Variants in ARMH4 observed in about 807,000 individuals in gnomAD.
ARMH4 encodes the protein armadillo-like helical domain-containing protein 4.
A neutral mutation model predicts 61.9 loss-of-function variants in ARMH4; 49 were observed. That is an observed-to-expected ratio of 0.79 (90% confidence interval 0.63 to 1.00). The LOEUF (loss-of-function observed/expected upper bound fraction) is 1.00. Among genes scored for constraint, ARMH4 ranks in the 50% least tolerant of loss-of-function variants. The pLI is 0.00. For synonymous variants in ARMH4, 368 were observed against 341.5 expected (o/e 1.08, Z -0.85); for missense variants, 934 against 930.0 (o/e 1.00, Z -0.06).
At chr14:58,147,178 G>A (rs1025290357) in intron 1 of ARMH4, among the ~76,000 whole-genome samples, 11 of 151,952 alleles carry the variant, frequency 7.2e-5, no homozygotes, top group African/African-American at 1.5e-4. Flanking sequence ...ATTCACAACC[G>A]CTGTGGATCC....
intron 5 of ARMH4, among the ~76,000 whole-genome samples, chr14:58,088,649 A>G (rs1187671230): frequency 6.6e-6 from 1 of 152,112 alleles, no homozygotes; most frequent in African/African-American, 2.4e-5. Flanking sequence ...AGAGAAGCCC[A>G]CTCATCCTGG....
intron 1 of ARMH4, among the ~76,000 whole-genome samples, chr14:58,151,008 G>A (rs1887902199): frequency 6.6e-6 from 1 of 152,162 alleles, no homozygotes; most frequent in South Asian, 2.1e-4. Flanking sequence ...TGTGAATTCT[G>A]ACCACTCAAG....
intron 5 of ARMH4, among the ~76,000 whole-genome samples, chr14:58,054,706 T>C (rs532056515): frequency 1.3e-5 from 2 of 152,166 alleles, no homozygotes; most frequent in African/African-American, 2.4e-5. Flanking sequence ...GAGACCAGCC[T>C]GGCCAACATG....
chr14:58,110,166 T>A (rs570274440), intron 4 of ARMH4, among the ~76,000 whole-genome samples: 2 of 152,328 alleles, frequency 1.3e-5, no homozygotes, highest in South Asian at 2.1e-4. Context: ...GTTACTTAGC[T>A]CATTAATTTT....
chr14:58,142,903 CTT>C (rs1191273920), intron 1 of ARMH4, among the ~76,000 whole-genome samples: 7 of 152,244 alleles, frequency 4.6e-5, no homozygotes, highest in African/African-American at 1.7e-4. Context: ...AGAAGACTGA[CTT>C]TTTCTACGTG....
Position 58,117,106 on chromosome 14 carries a change from T to G in ARMH4, c.1831+14406A>C, listed in dbSNP as rs1455738703. On this transcript the variant is annotated intron_variant, in intron 4 of 7. Transcript: ENST00000267485. ...AGCTGGGATTACAGGCATAAGCCAC[T>G]GTGCCTGGCTTAACATCTGCTCATT... Among the ~76,000 whole-genome samples the G allele has an allele frequency of 2.6e-5, 4 of 152,290 alleles. No homozygotes were observed. In the East Asian group the frequency reaches 7.7e-4, roughly 29 times the overall value.
chr14:58,043,289 G>C (rs912472324), intron 5 of ARMH4, among the ~76,000 whole-genome samples: 1 of 152,044 alleles, frequency 6.6e-6, no homozygotes, highest in Non-Finnish European at 1.5e-5. Context: ...GGGATGCAAG[G>C]CTGGTTCAAC....
intron 4 of ARMH4, among the ~76,000 whole-genome samples, chr14:58,124,492 A>G (rs1029211174): frequency 6.6e-6 from 1 of 152,174 alleles, no homozygotes; most frequent in African/African-American, 2.4e-5. Context: ...TTGTGTGGAC[A>G]TCTTATGATG....
chr14:58,019,974 T>C (rs974610434), intron 5 of ARMH4, among the ~76,000 whole-genome samples: 3 of 152,146 alleles, frequency 2.0e-5, no homozygotes, highest in African/African-American at 4.8e-5. Flanking sequence ...CCCAGATATA[T>C]GCATAAATTC....
intron 5 of ARMH4, among the ~76,000 whole-genome samples, chr14:58,031,856 A>G (rs1478435791): frequency 1.3e-5 from 2 of 151,942 alleles, no homozygotes; most frequent in Non-Finnish European, 2.9e-5. Context: ...CCTTAGTACC[A>G]CAAGGGTGTC....
intron 5 of ARMH4, among the ~76,000 whole-genome samples, chr14:58,075,717 G>A (rs908933232): frequency 5.1e-4 from 77 of 152,188 alleles, no homozygotes; most frequent in African/African-American, 1.6e-3. Context: ...AAACTTGCAC[G>A]TTCTGCACAT....
intron 5 of ARMH4, among the ~76,000 whole-genome samples, chr14:58,090,980 C>A (rs1460393974): frequency 6.6e-6 from 1 of 151,456 alleles, no homozygotes. Flanking sequence ...CTTTGGGAGA[C>A]CGAGTGCAGG....
At chr14:58,009,260 C>T (rs1882296931) in intron 6 of ARMH4, among the ~76,000 whole-genome samples, 2 of 152,080 alleles carry the variant, frequency 1.3e-5, no homozygotes, top group African/African-American at 4.8e-5. Context: ...GGGAGCAGAG[C>T]CTTTATTCTT....
At chr14:58,032,642 G>A (rs531546226) in intron 5 of ARMH4, among the ~76,000 whole-genome samples, 5 of 152,098 alleles carry the variant, frequency 3.3e-5, no homozygotes, top group South Asian at 2.1e-4. Context: ...CTGAGGTACC[G>A]GGTTCATCTC....
chr14:58,077,334 TG>T (rs1429639321), intron 5 of ARMH4, among the ~76,000 whole-genome samples: 17 of 152,214 alleles, frequency 1.1e-4, no homozygotes, highest in Non-Finnish European at 1.6e-4. Context: ...CTGTGCGTGG[TG>T]GTTCAGGCCT....
chr14:58,045,844 T>C (rs1451987897), intron 5 of ARMH4, among the ~76,000 whole-genome samples: 3 of 152,008 alleles, frequency 2.0e-5, no homozygotes, highest in African/African-American at 4.8e-5. Flanking sequence ...AAGAATCCCA[T>C]GTGAAAACAC....
At chr14:58,112,138 G>A (rs755198341) in intron 4 of ARMH4, among the ~76,000 whole-genome samples, 15 of 151,936 alleles carry the variant, frequency 9.9e-5, no homozygotes, top group African/African-American at 2.4e-4. Context: ...AATTTTCTAC[G>A]GACACAATTC....
intron 5 of ARMH4, among the ~76,000 whole-genome samples, chr14:58,024,776 T>C (rs56996967): frequency 0.17 from 25,462 of 152,098 alleles, 2,709 homozygotes; most frequent in East Asian, 0.48. Context: ...ATTGCATTAA[T>C]TTCAATATTG....
chr14:58,122,698 G>C (rs918813949), intron 4 of ARMH4, among the ~76,000 whole-genome samples: 7 of 152,124 alleles, frequency 4.6e-5, no homozygotes, highest in African/African-American at 1.7e-4. Flanking sequence ...GGAAAAGCTG[G>C]GCAAATCGAA....
Sources: allele counts gnomAD v4.1 joint callset (sites outside exome capture counted in the v4.1 genomes callset), GRCh38; gene constraint gnomAD v4.1.1; transcripts MANE v1.5; gene names NCBI Gene and HGNC (gene_info 2026-07-23, HGNC 2026-07-21).